The following ADAM28 variants were observed in gnomAD, a reference collection of about 807,000 sequenced individuals.
ADAM28 encodes the protein ADAM metallopeptidase domain 28.
Under a neutral mutation model 101.2 loss-of-function variants are expected in ADAM28, and 105 were observed. The observed-to-expected ratio is 1.04, with a 90% CI of 0.89 to 1.22. The LOEUF (loss-of-function observed/expected upper bound fraction) is 1.22, where lower values mean the gene tolerates loss of function less well. Among genes scored for constraint, ADAM28 ranks in the 50% most tolerant of loss-of-function variants. ADAM28 has a pLI of 0.00. For missense variants in ADAM28, 1,028 were observed against 945.4 expected, an observed-to-expected ratio of 1.09 and a Z score of -1.15; for synonymous variants, 322 against 310.6, an observed-to-expected ratio of 1.04 and a Z score of -0.39.
chr8:24,317,907 G>A (rs887053578), intron 6 of ADAM28, among the ~76,000 whole-genome samples: 4 of 151,844 alleles, frequency 2.6e-5, no homozygotes, highest in Non-Finnish European at 5.9e-5. Flanking sequence ...TACAATATGA[G>A]GACTGTTAAG....
At position 24,343,086 on chromosome 8, in the gene ADAM28, C is replaced by G; in HGVS notation, c.1831-15C>G. The G allele has an allele frequency of 6.2e-7, 1 of 1,613,532 alleles. No individual in the cohort carries two copies. Among genetic ancestry groups the G allele is most frequent in the Non-Finnish European group, 8.5e-7 (1 of 1,179,646 alleles). On this transcript the variant is annotated splice_polypyrimidine_tract_variant and intron_variant, in intron 16 of 22. Coordinates refer to ENST00000265769, the MANE Select transcript of ADAM28 (RefSeq NM_014265.6). ...CAGAGAAGATGAAGCTTCATGTTTT[C>G]TACATCACTTTCAGGTTTGCATTAA...
chr8:24,316,061 C>T (rs11986516), intron 6 of ADAM28, among the ~76,000 whole-genome samples: 6,129 of 122,490 alleles, frequency 0.05, 231 homozygotes, highest in East Asian at 0.17. Flanking sequence ...TCATAAAGGC[C>T]ATTTATTTAT....
chr8:24,315,285 A>G (rs1052105581), intron 6 of ADAM28, among the ~76,000 whole-genome samples: 1 of 152,036 alleles, frequency 6.6e-6, no homozygotes. Context: ...TAGGCAGACT[A>G]AGAGGAAAAC....
chr8:24,345,028 CAAAAA>C (rs199510483), intron 18 of ADAM28, among the ~76,000 whole-genome samples: 40 of 126,832 alleles, frequency 3.2e-4, no homozygotes, highest in African/African-American at 1.1e-3. Flanking sequence ...TATTTAATGT[CAAAAA>C]AAAAAAAAAC....
intron 10 of ADAM28, among the ~76,000 whole-genome samples, chr8:24,329,299 G>A (rs1813033733): frequency 6.6e-6 from 1 of 152,144 alleles, no homozygotes; most frequent in African/African-American, 2.4e-5. Context: ...GTAGATAAGA[G>A]AATCAGACTT....
chr8:24,301,290 T>G (rs892109459), intron 2 of ADAM28, among the ~76,000 whole-genome samples: 1 of 152,164 alleles, frequency 6.6e-6, no homozygotes, highest in African/African-American at 2.4e-5. Context: ...AGCATAGGAT[T>G]CCCCTTCAAT....
chr8:24,350,878 T>TGGG lies in ADAM28; in HGVS notation c.2100-354_2100-353insGGG, dbSNP rs769555806. On this transcript the variant is annotated intron_variant, in intron 19 of 22. Transcript: ENST00000265769. ...GGCACAACGGTGTTTTTTTTTTTTT[T>TGGG]TTTTTTTTTTTTAGCACTTTTAAAG... Among the ~76,000 whole-genome samples, 65 of 59,874 alleles carry TGGG rather than the reference T, an allele frequency of 1.1e-3. 2 individuals are homozygous for TGGG. The highest frequency in any genetic ancestry group is 7.4e-3 in the Admixed American group (51 of 6,878). 39.3% of individuals were successfully genotyped at this position (59,874 alleles called of 152,430 possible). A position where few individuals can be genotyped will look rare whatever the true frequency, so the allele number is the denominator to read the frequency against.
intron 5 of ADAM28, among the ~76,000 whole-genome samples, chr8:24,311,659 T>C (rs568345617): frequency 1.3e-5 from 2 of 152,346 alleles, no homozygotes; most frequent in East Asian, 3.9e-4. Context: ...AGTTTAGTTT[T>C]AAAATACAGG....
In ADAM28 at chr8:24,294,185, C is replaced by T. The variant is rs1486321039; in HGVS notation, c.36C>T (p.Leu12=). 17 of 1,614,036 alleles carry T rather than the reference C, an allele frequency of 1.1e-5. No individual in the cohort carries two copies. The highest frequency in any genetic ancestry group is 1.4e-5 in the Non-Finnish European group (17 of 1,180,010). ...LQGLLPVSLL[L]SVAVSAIKEL... ...GTCTCCTGCCAGTCAGTCTCCTCCT[C>T]TCTGTTGCAGGTACATATTTAGCTC... The change falls in exon 1 of 23, where the codon CTC becomes CTT. Residue 12 remains leucine (L), a synonymous_variant. Coordinates refer to ENST00000265769, the MANE Select transcript of ADAM28 (RefSeq NM_014265.6).
intron 15 of ADAM28, among the ~76,000 whole-genome samples, chr8:24,340,427 A>C (rs1454704183): frequency 6.6e-6 from 1 of 152,182 alleles, no homozygotes; most frequent in Non-Finnish European, 1.5e-5. Flanking sequence ...GGGCAGATTC[A>C]AAAGAGGAAA....
Position 24,356,987 on chromosome 8 carries a change from A to G in ADAM28, c.*2583A>G, listed in dbSNP as rs1342662305. ...GGGTTATTATTATAATTAGGATTTT[A>G]TTATTCACATTGGAAATCACTGCTA... is the stretch of plus-strand genomic sequence containing the variant. On this transcript the variant is annotated 3_prime_UTR_variant, in exon 23 of 23. Coordinates refer to ENST00000265769, the MANE Select transcript of ADAM28 (RefSeq NM_014265.6). The G allele has an allele frequency of 1.3e-5, 2 of 152,202 alleles. No homozygotes were observed. Among genetic ancestry groups the G allele is most frequent in the Non-Finnish European group, 2.9e-5 (2 of 68,022 alleles). The allele number at this position is 152,202 out of a possible 1,614,324, so 9.4% of individuals were successfully genotyped here.
rs1012031728 is a variant in ADAM28 at position 24,353,889 on chromosome 8, G to T, written c.2307+57G>T. ...TTGTATTATAATCTCCTACTGTCAA[G>T]AGAAGGCCCACCATGTCTTTTTAGA... On this transcript the variant is annotated intron_variant, in intron 22 of 22. Coordinates refer to ENST00000265769, the MANE Select transcript of ADAM28 (RefSeq NM_014265.6). 10 of 1,223,648 alleles carry T rather than the reference G, an allele frequency of 8.2e-6. No homozygotes were observed. In the African/African-American group the frequency reaches 1.5e-4, roughly 19 times the overall value. The allele number at this position is 1,223,648 out of a possible 1,614,324, so 75.8% of individuals were successfully genotyped here. A position where few individuals can be genotyped will look rare whatever the true frequency, so the allele number is the denominator to read the frequency against.
intron 3 of ADAM28, 24 bp downstream of exon 3, chr8:24,309,994 T>C (rs1296873028): frequency 4.3e-5 from 66 of 1,539,464 alleles, no homozygotes; most frequent in Non-Finnish European, 5.7e-5. Flanking sequence ...CCTGTGATAT[T>C]ATCCTCAGCA....
chr8:24,306,270 G>A (rs1809596338), intron 2 of ADAM28, among the ~76,000 whole-genome samples: 2 of 149,936 alleles, frequency 1.3e-5, no homozygotes, highest in African/African-American at 5.0e-5. Flanking sequence ...TTGAACCCTG[G>A]GAGGCAGAGG....
rs2129346583 is a variant in ADAM28 at position 24,354,486 on chromosome 8, TATC to T, written c.*83_*85del. 2 of 1,453,620 alleles carry T rather than the reference TATC, an allele frequency of 1.4e-6. No individual in the cohort carries two copies. The highest frequency in any genetic ancestry group is 2.4e-5 in the East Asian group (1 of 41,274). 90.0% of individuals were successfully genotyped at this position (1,453,620 alleles called of 1,614,324 possible). On this transcript the variant is annotated 3_prime_UTR_variant, in exon 23 of 23. Transcript: ENST00000265769. ...CTGGATGGCAGAGAAATATACTATC[TATC>T]TCACCAGTATTTGCTCTCGACTCAA...
At chr8:24,343,606 A>T (rs1428387214) in intron 18 of ADAM28, 22 bp downstream of exon 18, 4 of 1,610,582 alleles carry the variant, frequency 2.5e-6, no homozygotes, top group Non-Finnish European at 3.4e-6. Context: ...TACACATCTA[A>T]CCTGAGAAAA....
intron 8 of ADAM28, among the ~76,000 whole-genome samples, chr8:24,322,847 T>G (rs1812062319): frequency 6.6e-6 from 1 of 152,166 alleles, no homozygotes; most frequent in Admixed American, 6.5e-5. Flanking sequence ...CTGGTGAGAA[T>G]GTCTGTCACT....
chr8:24,358,036 T>TAACA lies in ADAM28; in HGVS notation c.*3633_*3636dup. On this transcript the variant is annotated 3_prime_UTR_variant, in exon 23 of 23. Coordinates refer to ENST00000265769, the MANE Select transcript of ADAM28 (RefSeq NM_014265.6). The stretch of plus-strand genomic sequence containing the variant: ...ATAGTTGTTTCTCTTGTTTACTTAA[T>TAACA]AACATTCTCTTCTTTCCTATCAGTT... The TAACA allele has an allele frequency of 6.6e-6, 1 of 152,354 alleles. No individual in the cohort carries two copies. The highest frequency in any genetic ancestry group is 1.9e-4 in the East Asian group (1 of 5,194). 9.4% of individuals were successfully genotyped at this position (152,354 alleles called of 1,614,324 possible). A position where few individuals can be genotyped will look rare whatever the true frequency, so the allele number is the denominator to read the frequency against.
At chr8:24,304,764 G>A (rs1448278274) in intron 2 of ADAM28, among the ~76,000 whole-genome samples, 1 of 151,692 alleles carries the variant, frequency 6.6e-6, no homozygotes, top group Non-Finnish European at 1.5e-5. Flanking sequence ...TACTAAGGAG[G>A]CTGAGGCAGG....
Sources: allele counts gnomAD v4.1 joint callset (sites outside exome capture counted in the v4.1 genomes callset), GRCh38; gene constraint gnomAD v4.1.1; transcripts MANE v1.5; gene names NCBI Gene and HGNC (gene_info 2026-07-23, HGNC 2026-07-21).